The following EYS variants were observed in gnomAD, a reference collection of about 807,000 sequenced individuals.
The protein encoded by EYS is protein eyes shut homolog.
In EYS, 250 loss-of-function variants were observed where a neutral mutation model predicts 282.1. That is an observed-to-expected ratio of 0.89 (90% CI 0.80 to 0.98). The LOEUF (loss-of-function observed/expected upper bound fraction) is 0.98, where lower values mean the gene tolerates loss of function less well. Among genes scored for constraint, EYS ranks in the 50% least tolerant of loss-of-function variants. The probability of loss-of-function intolerance (pLI) is 0.00; values close to 1 mark genes in which losing one functional copy is unlikely to be tolerated. For synonymous variants in EYS, 1,355 were observed against 1,282.9 expected (o/e 1.06, Z -1.20); for missense variants, 4,016 against 3,709.0 (o/e 1.08, Z -2.15).
At chr6:63,849,718 A>G (rs1772192431) in intron 36 of EYS, among the ~76,000 whole-genome samples, 1 of 152,240 alleles carries the variant, frequency 6.6e-6, no homozygotes, top group South Asian at 2.1e-4. Flanking sequence ...AAAGATGAGG[A>G]AAAACCAGTG....
intron 1 of EYS, among the ~76,000 whole-genome samples, chr6:65,697,828 T>A (rs1225962067): frequency 6.6e-6 from 1 of 152,164 alleles, no homozygotes; most frequent in African/African-American, 2.4e-5. Flanking sequence ...GCCCATTGCC[T>A]AATAAATTGT....
At chr6:64,944,713 C>T (rs1005408188) in intron 15 of EYS, among the ~76,000 whole-genome samples, 1 of 151,998 alleles carries the variant, frequency 6.6e-6, no homozygotes, top group Admixed American at 6.6e-5. Context: ...AGGCCACTGT[C>T]TCCTGCCTGT....
In EYS at chr6:64,295,716, C is replaced by A. The variant is rs183611338; in HGVS notation, c.6191+11254G>T. ...TGCACTCCAGCCTGGCTGACTGAGC[C>A]AGACTCCGTCTCCAAAAAAAAAAAA... is the stretch of plus-strand genomic sequence containing the variant. On this transcript the variant is annotated intron_variant, in intron 30 of 42. Transcript: ENST00000503581. 5.9e-5 allele frequency among the ~76,000 whole-genome samples: 6 copies of A among 101,258 alleles called. No homozygotes were observed. In the East Asian group the frequency reaches 1.4e-3, roughly 24 times the overall value. 66.4% of individuals were successfully genotyped at this position (101,258 alleles called of 152,430 possible).
chr6:64,853,952 C>T (rs1361712654), intron 19 of EYS, among the ~76,000 whole-genome samples: 2 of 151,890 alleles, frequency 1.3e-5, no homozygotes, highest in Non-Finnish European at 2.9e-5. Flanking sequence ...TATGAACAGA[C>T]ACTTCTCAAA....
intron 29 of EYS, among the ~76,000 whole-genome samples, chr6:64,314,194 C>CAAAAAAAAAAAAA (rs138447983): frequency 1.8e-4 from 5 of 27,668 alleles, no homozygotes; most frequent in Admixed American, 6.5e-4. Flanking sequence ...AAATGGAAAG[C>CAAAAAAAAAAAAA]AAAAAAAAAA....
At chr6:63,911,121 TAAAA>T (rs5876875) in intron 35 of EYS, among the ~76,000 whole-genome samples, 1 of 143,534 alleles carries the variant, frequency 7.0e-6, no homozygotes, top group Non-Finnish European at 1.5e-5. Flanking sequence ...AGTCATTGGT[TAAAA>T]AAAAAAAAAA....
At chr6:64,070,478 G>A (rs2149858802) in intron 32 of EYS, among the ~76,000 whole-genome samples, 1 of 151,804 alleles carries the variant, frequency 6.6e-6, no homozygotes, top group South Asian at 2.1e-4. Flanking sequence ...AGTTTTATCG[G>A]CAAAAAATAC....
intron 12 of EYS, among the ~76,000 whole-genome samples, chr6:65,095,729 C>A (rs910054077): frequency 6.6e-6 from 1 of 151,090 alleles, no homozygotes; most frequent in African/African-American, 2.4e-5. Context: ...GCAGGAAAAG[C>A]ATTTGACTAA....
At position 64,784,823 on chromosome 6, in the gene EYS, T is replaced by C. The variant is rs565584353; in HGVS notation, c.3443+28555A>G. 1.2e-4 allele frequency among the ~76,000 whole-genome samples: 18 copies of C among 152,294 alleles called. No individual in the cohort carries two copies. In the South Asian group the frequency reaches 3.5e-3, roughly 30 times the overall value. On this transcript the variant is annotated intron_variant, in intron 22 of 42. Coordinates refer to ENST00000503581, the MANE Select transcript of EYS (RefSeq NM_001142800.2). ...ATAGAAAGTTCTCTTAATATCAGTA[T>C]TGCTTTGTTCTGATGTGTAAAGTGT...
Position 63,934,750 on chromosome 6 carries a change from G to C in EYS, c.7055+49633C>G, listed in dbSNP as rs905338281. 3.6e-5 allele frequency among the ~76,000 whole-genome samples: 5 copies of C among 140,088 alleles called. No homozygotes were observed. The Admixed American group carries it at 3.6e-4, about 10-fold the overall frequency. The allele number at this position is 140,088 out of a possible 152,430, so 91.9% of individuals were successfully genotyped here. A position where few individuals can be genotyped will look rare whatever the true frequency, so the allele number is the denominator to read the frequency against. ...AGCATCACACACCAGGGCCTGTTGTGGCAGAGGGGGAGGGGGGAGGGTTAG... is the reference window on the plus strand; with the variant it reads ...AGCATCACACACCAGGGCCTGTTGTCGCAGAGGGGGAGGGGGGAGGGTTAG... On this transcript the variant is annotated intron_variant, in intron 35 of 42. Coordinates refer to ENST00000503581, the MANE Select transcript of EYS (RefSeq NM_001142800.2).
rs1478284227 is a variant in EYS, at chr6:64,997,830, A to G, written c.2138-127T>C. On this transcript the variant is annotated intron_variant, in intron 13 of 42. Transcript: ENST00000503581. ...TTAACCAAATAAAGTAAGAATTATT[A>G]TATTTAATCGATTACATAGTCATCT... 3 of 769,466 alleles carry G rather than the reference A, an allele frequency of 3.9e-6. No homozygotes were observed. The East Asian group carries it at 8.8e-5, about 23-fold the overall frequency. The allele number at this position is 769,466 out of a possible 1,614,324, so 47.7% of individuals were successfully genotyped here.
intron 22 of EYS, among the ~76,000 whole-genome samples, chr6:64,655,570 C>CTA (rs978676483): frequency 5.9e-5 from 9 of 151,806 alleles, no homozygotes; most frequent in Non-Finnish European, 1.2e-4. Flanking sequence ...ATAATGTTTG[C>CTA]TATATATATG....
intron 30 of EYS, among the ~76,000 whole-genome samples, chr6:64,306,297 T>G (rs1257190772): frequency 6.6e-6 from 1 of 152,114 alleles, no homozygotes; most frequent in Non-Finnish European, 1.5e-5. Flanking sequence ...TGTCCTGTGA[T>G]CAAATAACCC....
At chr6:63,949,795 C>A (rs1039033227) in intron 35 of EYS, among the ~76,000 whole-genome samples, 32 of 152,212 alleles carry the variant, frequency 2.1e-4, no homozygotes, top group Non-Finnish European at 4.3e-4. Context: ...GGTCACAACA[C>A]TGTCACCAAC....
Position 65,055,903 on chromosome 6 carries a change from C to A in EYS, c.2137+1711G>T, listed in dbSNP as rs576574473. ...CTTCTCCACTGTAAAGCTGCTCTTC[C>A]CTCCATGACCCCCTTTTTACATGCC... is the stretch of plus-strand genomic sequence containing the variant. On this transcript the variant is annotated intron_variant, in intron 13 of 42. Coordinates refer to ENST00000503581, the MANE Select transcript of EYS (RefSeq NM_001142800.2). Among the ~76,000 whole-genome samples, 31 of 152,080 alleles carry A rather than the reference C, an allele frequency of 2.0e-4. No homozygotes were observed. The South Asian group carries it at 5.4e-3, about 26-fold the overall frequency.
chr6:64,475,028 C>T (rs1776218872), intron 26 of EYS, among the ~76,000 whole-genome samples: 1 of 152,174 alleles, frequency 6.6e-6, no homozygotes, highest in Admixed American at 6.6e-5. Context: ...GGTGAGAAAA[C>T]ATAAATTTAC....
intron 2 of EYS, among the ~76,000 whole-genome samples, chr6:65,596,617 T>G (rs533352101): frequency 6.6e-6 from 1 of 152,176 alleles, no homozygotes; most frequent in African/African-American, 2.4e-5. Flanking sequence ...CTCCACAGCA[T>G]ATTCTAGGTT....
intron 2 of EYS, among the ~76,000 whole-genome samples, chr6:65,600,485 T>C (rs1003297006): frequency 1.3e-5 from 2 of 152,150 alleles, no homozygotes; most frequent in East Asian, 3.9e-4. Flanking sequence ...GTATTATCTC[T>C]GACATCATCT....
intron 13 of EYS, 85 bp downstream of exon 13, chr6:65,057,529 A>G: frequency 1.2e-6 from 1 of 823,114 alleles, no homozygotes; most frequent in Non-Finnish European, 2.1e-6. Context: ...TGTTGTTGGA[A>G]GACTGAAATG....
Sources: gnomAD v4.1 joint callset for allele counts (sites outside exome capture counted in the v4.1 genomes callset) on GRCh38, gnomAD v4.1.1 for gene constraint, MANE v1.5 for transcripts, NCBI Gene and HGNC (gene_info 2026-07-23, HGNC 2026-07-21) for gene names.